TMCO4: variants seen among roughly 807,000 people sequenced by gnomAD.
TMCO4 encodes transmembrane and coiled-coil domain-containing protein 4.
A neutral mutation model predicts 64.7 loss-of-function variants in TMCO4; 58 were observed. That is an observed-to-expected ratio of 0.90 (90% CI 0.73 to 1.12). The LOEUF (loss-of-function observed/expected upper bound fraction) is 1.12, where lower values mean the gene tolerates loss of function less well. Ranked by LOEUF, TMCO4 falls within the 50% of genes most tolerant of loss-of-function variation. The probability of loss-of-function intolerance (pLI) is 0.00; values close to 1 mark genes in which losing one functional copy is unlikely to be tolerated. For synonymous variants in TMCO4, 325 were observed against 346.1 expected, an observed-to-expected ratio of 0.94 and a Z score of 0.68; for missense variants, 780 against 825.9, an observed-to-expected ratio of 0.94 and a Z score of 0.68.
At chr1:19,724,943 G>T (rs1007476617) in intron 13 of TMCO4, among the ~76,000 whole-genome samples, 1 of 152,054 alleles carries the variant, frequency 6.6e-6, no homozygotes, top group African/African-American at 2.4e-5. Context: ...TGTATTTTAA[G>T]TAGAGACGGG....
At chr1:19,736,361 G>A (rs1202077039) in intron 13 of TMCO4, among the ~76,000 whole-genome samples, 1 of 152,160 alleles carries the variant, frequency 6.6e-6, no homozygotes. Context: ...TGACCCATGT[G>A]GATTGTGGGA....
At chr1:19,693,100 G>A (rs1362888388) in intron 15 of TMCO4, among the ~76,000 whole-genome samples, 1 of 144,824 alleles carries the variant, frequency 6.9e-6, no homozygotes, top group East Asian at 2.1e-4. Flanking sequence ...TAGAGCCTGG[G>A]AGGCAGAGGT....
Position 19,700,789 on chromosome 1 carries a change from C to G in TMCO4, c.1361G>C (p.Arg454Thr), listed in dbSNP as rs747960153. ...WEPFRKVVSG[R>T]IINGYCRGDW... The stretch of plus-strand genomic sequence containing the variant: ...AGACCTGCAGTAGCCGTTGATGATC[C>G]TCCCGGACACCACCTTCCGGAAAGG... The change falls in exon 14 of 16, where the codon AGG becomes ACG. Residue 454 changes from arginine to threonine, a missense_variant. Transcript: ENST00000294543. 4 of 1,614,236 alleles carry G rather than the reference C, an allele frequency of 2.5e-6. No individual in the cohort carries two copies. In the South Asian group the frequency reaches 3.3e-5, roughly 13 times the overall value.
chr1:19,755,674 A>C lies in TMCO4; in HGVS notation c.475T>G (p.Phe159Val). 1 of 1,614,180 alleles carries C rather than the reference A, an allele frequency of 6.2e-7. No homozygotes were observed. Among genetic ancestry groups the C allele is most frequent in the East Asian group, 2.2e-5 (1 of 44,876 alleles). Residue 159 changes from phenylalanine to valine, a missense_variant, in exon 7 of 16, where the codon TTC (phenylalanine) becomes GTC (valine). Transcript: ENST00000294543. Reference sequence around the variant, plus strand: ...TTGATTTCCTTCAGGCTCTCCAGGAACATCTCTTCAAGGACATCCAGCTCC... The same window carrying C: ...TTGATTTCCTTCAGGCTCTCCAGGACCATCTCTTCAAGGACATCCAGCTCC... ...LEELDVLEEM[F>V]LESLKEIKEE... is the part of the protein sequence containing the mutation.
chr1:19,798,824 G>A (rs187150346), intron 1 of TMCO4, among the ~76,000 whole-genome samples: 20 of 152,286 alleles, frequency 1.3e-4, no homozygotes, highest in East Asian at 1.2e-3. Context: ...CTGTATCCTC[G>A]TTGCCTAAAC....
chr1:19,697,164 C>G (rs142068195), intron 14 of TMCO4, among the ~76,000 whole-genome samples: 142 of 152,352 alleles, frequency 9.3e-4, no homozygotes, highest in African/African-American at 3.3e-3. Context: ...TCAGTCTGTG[C>G]TTCCGGTCTC....
chr1:19,767,733 T>C (rs2042798668), intron 6 of TMCO4, among the ~76,000 whole-genome samples: 1 of 152,168 alleles, frequency 6.6e-6, no homozygotes, highest in Non-Finnish European at 1.5e-5. Context: ...CCAGTCTACC[T>C]CTGCTGCTGT....
intron 11 of TMCO4, 87 bp downstream of exon 11, chr1:19,740,690 G>A (rs554033310): frequency 3.5e-6 from 5 of 1,442,304 alleles, no homozygotes; most frequent in East Asian, 2.3e-5. Flanking sequence ...TGCCCTGGGG[G>A]CTTTGGGCAT....
intron 14 of TMCO4, among the ~76,000 whole-genome samples, chr1:19,695,715 C>G (rs879617046): frequency 6.6e-6 from 1 of 152,116 alleles, no homozygotes; most frequent in Admixed American, 6.5e-5. Context: ...AGCTCTGACC[C>G]TCTGTGGTCT....
At chr1:19,706,525 T>C (rs1423629130) in intron 13 of TMCO4, among the ~76,000 whole-genome samples, 1 of 152,246 alleles carries the variant, frequency 6.6e-6, no homozygotes, top group East Asian at 1.9e-4. Context: ...GGGCAGGGAT[T>C]AACTTCAAGT....
intron 13 of TMCO4, among the ~76,000 whole-genome samples, chr1:19,725,280 A>T (rs1335985165): frequency 6.6e-6 from 1 of 152,214 alleles, no homozygotes; most frequent in Non-Finnish European, 1.5e-5. Context: ...CTGCATGGAC[A>T]GGCCCACAGG....
chr1:19,699,178 A>G (rs1327274343), intron 14 of TMCO4, among the ~76,000 whole-genome samples: 1 of 151,838 alleles, frequency 6.6e-6, no homozygotes, highest in Non-Finnish European at 1.5e-5. Flanking sequence ...CCTGGGTGAC[A>G]ATGTGAGACT....
chr1:19,738,488 G>A (rs931774929), intron 12 of TMCO4: 2 of 152,270 alleles, frequency 1.3e-5, no homozygotes. Flanking sequence ...CTGTAAAATA[G>A]TACATTTGTT....
chr1:19,787,937 A>G (rs1423818371), intron 2 of TMCO4, among the ~76,000 whole-genome samples: 2 of 152,140 alleles, frequency 1.3e-5, no homozygotes, highest in African/African-American at 2.4e-5. Context: ...TCATATTTTT[A>G]GTAGAGACGG....
At chr1:19,747,419 A>C (rs2041842867) in intron 7 of TMCO4, among the ~76,000 whole-genome samples, 159 bp from the exon 8 acceptor site, 1 of 152,172 alleles carries the variant, frequency 6.6e-6, no homozygotes. Flanking sequence ...TGGTTTAAAA[A>C]GCTGAAAACA....
At chr1:19,713,188 T>C (rs927858325) in intron 13 of TMCO4, among the ~76,000 whole-genome samples, 2 of 151,946 alleles carry the variant, frequency 1.3e-5, no homozygotes, top group Admixed American at 1.3e-4. Flanking sequence ...CACTTCTTGA[T>C]GGGAGGGGTT....
intron 13 of TMCO4, among the ~76,000 whole-genome samples, chr1:19,726,527 G>A (rs1173518251): frequency 6.6e-6 from 1 of 151,824 alleles, no homozygotes; most frequent in Non-Finnish European, 1.5e-5. Flanking sequence ...TGCTAGTCCT[G>A]TAACCATGCA....
rs949768535 is a variant in TMCO4 at position 19,743,411 on chromosome 1, A to G, written c.877+2121T>C. Among the ~76,000 whole-genome samples the G allele has an allele frequency of 1.3e-5, 2 of 152,200 alleles. No homozygotes were observed. The highest frequency in any genetic ancestry group is 2.9e-5 in the Non-Finnish European group (2 of 68,026). Reference sequence around the variant, plus strand: ...CCGGTCATTCCTATCACATGGAAAAAGCAATCAGGTGATGATAAGGCTTCT... The same window carrying G: ...CCGGTCATTCCTATCACATGGAAAAGGCAATCAGGTGATGATAAGGCTTCT... On this transcript the variant is annotated intron_variant, in intron 10 of 15. Transcript: ENST00000294543. The surrounding 1 kb of genome is among the most constrained non-coding windows in gnomAD (Gnocchi z 4.1).
At chr1:19,751,575 C>T (rs1441898716) in intron 7 of TMCO4, among the ~76,000 whole-genome samples, 2 of 152,222 alleles carry the variant, frequency 1.3e-5, no homozygotes, top group South Asian at 2.1e-4. Context: ...CACTGCACTC[C>T]AGTCTGGGTG....
Sources: gnomAD v4.1 joint callset for allele counts (sites outside exome capture counted in the v4.1 genomes callset) on GRCh38, gnomAD v4.1.1 for gene constraint, Gnocchi (gnomAD v3.1) non-coding constraint, MANE v1.5 for transcripts, NCBI Gene and HGNC (gene_info 2026-07-23, HGNC 2026-07-21) for gene names.